FHIT: variants seen among roughly 807,000 people sequenced by gnomAD.
FHIT encodes fragile histidine triad diadenosine triphosphatase, also known as bis(5'-adenosyl)-triphosphatase.
A neutral mutation model predicts 17.9 loss-of-function variants in FHIT; 19 were observed. That is an observed-to-expected ratio of 1.06 (90% CI 0.74 to 1.56). FHIT has a LOEUF of 1.56. Among genes scored for constraint, FHIT ranks in the 40% most tolerant of loss-of-function variants. FHIT has a pLI of 0.00. For missense variants in FHIT, 248 were observed against 189.2 expected (o/e 1.31, Z -1.82); for synonymous variants, 81 against 69.7 (o/e 1.16, Z -0.81).
chr3:60,452,378 G>C (rs1056815202), intron 5 of FHIT, among the ~76,000 whole-genome samples: 3 of 152,150 alleles, frequency 2.0e-5, no homozygotes, highest in Admixed American at 6.6e-5. Flanking sequence ...GTTAGGACCA[G>C]AGAGGCTTTA....
At chr3:60,920,231 A>G (rs1338134662) in intron 3 of FHIT, among the ~76,000 whole-genome samples, 1 of 152,168 alleles carries the variant, frequency 6.6e-6, no homozygotes, top group African/African-American at 2.4e-5. Context: ...TGCCTATAAT[A>G]AATATGCATG....
chr3:59,985,839 A>G (rs780144974), intron 7 of FHIT, among the ~76,000 whole-genome samples: 7 of 152,098 alleles, frequency 4.6e-5, no homozygotes, highest in Non-Finnish European at 1.0e-4. Flanking sequence ...GTGTCCACTC[A>G]GTCATGACTG....
intron 5 of FHIT, among the ~76,000 whole-genome samples, chr3:60,193,263 G>A (rs563788259): frequency 1.3e-5 from 2 of 152,270 alleles, no homozygotes; most frequent in African/African-American, 4.8e-5. Flanking sequence ...GCTGAGAATG[G>A]ACCTGCATCA....
intron 2 of FHIT, among the ~76,000 whole-genome samples, chr3:61,189,964 C>A (rs185916654): frequency 0.19 from 28,268 of 149,966 alleles, 405 homozygotes; most frequent in East Asian, 0.51. Flanking sequence ...AATGTTAGAC[C>A]TAAAACCATA....
At chr3:61,101,908 T>A (rs1398878570) in intron 2 of FHIT, among the ~76,000 whole-genome samples, 1 of 152,210 alleles carries the variant, frequency 6.6e-6, no homozygotes. Flanking sequence ...TGATTTTCTA[T>A]CCTGAGACTT....
At chr3:60,131,936 C>T (rs1416945323) in intron 5 of FHIT, among the ~76,000 whole-genome samples, 2 of 152,180 alleles carry the variant, frequency 1.3e-5, no homozygotes, top group Non-Finnish European at 2.9e-5. Context: ...CAGAGGCCCA[C>T]TCTCAAGCTC....
chr3:60,263,739 C>T (rs1245496505), intron 5 of FHIT, among the ~76,000 whole-genome samples: 1 of 151,808 alleles, frequency 6.6e-6, no homozygotes, highest in East Asian at 1.9e-4. Flanking sequence ...TACAGTAATC[C>T]ACAGTGTATG....
chr3:59,943,408 A>G (rs1290917056), intron 7 of FHIT, among the ~76,000 whole-genome samples: 1 of 152,164 alleles, frequency 6.6e-6, no homozygotes, highest in Non-Finnish European at 1.5e-5. Flanking sequence ...CAGGGACAAA[A>G]GAGGAAGAAG....
intron 3 of FHIT, among the ~76,000 whole-genome samples, chr3:60,955,608 A>ATATATGTATATATATATATG (rs1559862230): frequency 0.056 from 533 of 9,586 alleles, 8 homozygotes; most frequent in Non-Finnish European, 0.15. Flanking sequence ...ATATATATAT[A>ATATATGTATATATATATATG]TATATATATA....
chr3:61,064,875 T>C (rs533795794), intron 2 of FHIT, among the ~76,000 whole-genome samples: 1 of 152,284 alleles, frequency 6.6e-6, no homozygotes, highest in East Asian at 1.9e-4. Context: ...CTGATATGCA[T>C]GTGCCCAAGT....
At chr3:59,880,546 C>T (rs181727676) in intron 8 of FHIT, among the ~76,000 whole-genome samples, 194 of 152,286 alleles carry the variant, frequency 1.3e-3, no homozygotes, top group African/African-American at 4.5e-3. Context: ...GAATCTAGTG[C>T]CACAACTAAG....
At chr3:60,064,494 A>C (rs1702418936) in intron 5 of FHIT, among the ~76,000 whole-genome samples, 1 of 152,150 alleles carries the variant, frequency 6.6e-6, no homozygotes, top group East Asian at 1.9e-4. Flanking sequence ...TAGAATTTTG[A>C]CCGCATAGTA....
chr3:60,168,284 C>A (rs1031840968), intron 5 of FHIT, among the ~76,000 whole-genome samples: 2 of 152,090 alleles, frequency 1.3e-5, no homozygotes, highest in Non-Finnish European at 2.9e-5. Context: ...ATTGTTAGGC[C>A]GATGTAATTA....
chr3:61,038,050 T>C (rs2033340383), intron 3 of FHIT, among the ~76,000 whole-genome samples: 1 of 152,222 alleles, frequency 6.6e-6, no homozygotes, highest in African/African-American at 2.4e-5. Flanking sequence ...TTAGAAATCA[T>C]GATTTTTGCA....
At chr3:61,199,664 T>C (rs2038957710) in intron 2 of FHIT, among the ~76,000 whole-genome samples, 1 of 152,080 alleles carries the variant, frequency 6.6e-6, no homozygotes, top group Non-Finnish European at 1.5e-5. Context: ...TGTCAAGAAG[T>C]TAGGAAGAAC....
intron 5 of FHIT, among the ~76,000 whole-genome samples, chr3:60,306,605 G>A (rs1227394949): frequency 1.3e-5 from 2 of 152,100 alleles, no homozygotes; most frequent in African/African-American, 4.8e-5. Flanking sequence ...AGGAACAACT[G>A]TTCAACCCTT....
intron 1 of FHIT, among the ~76,000 whole-genome samples, chr3:61,207,711 T>C (rs1384535735): frequency 6.6e-6 from 1 of 152,198 alleles, no homozygotes; most frequent in Non-Finnish European, 1.5e-5. Flanking sequence ...TTCTCTCTTT[T>C]CTTCTTCATT....
chr3:60,087,504 C>T (rs866099839), intron 5 of FHIT, among the ~76,000 whole-genome samples: 25 of 152,164 alleles, frequency 1.6e-4, no homozygotes, highest in African/African-American at 5.8e-4. Context: ...TAAATTACAC[C>T]TTTAGATCTT....
intron 4 of FHIT, among the ~76,000 whole-genome samples, chr3:60,684,845 G>A (rs782475609): frequency 6.6e-6 from 1 of 152,130 alleles, no homozygotes; most frequent in Non-Finnish European, 1.5e-5. Context: ...GATTGAAGGA[G>A]TTCAGAACAC....
Sources: gnomAD v4.1 joint callset for allele counts (sites outside exome capture counted in the v4.1 genomes callset) on GRCh38, gnomAD v4.1.1 for gene constraint, MANE v1.5 for transcripts, NCBI Gene and HGNC (gene_info 2026-07-23, HGNC 2026-07-21) for gene names.